The following CTNNA2 variants were observed in gnomAD, a reference collection of about 807,000 sequenced individuals.
CTNNA2 encodes catenin alpha-2.
Under a neutral mutation model 101.0 loss-of-function variants are expected in CTNNA2, and 42 were observed. That is an observed-to-expected ratio of 0.42 (90% CI 0.32 to 0.54). The LOEUF is 0.54. Among genes scored for constraint, CTNNA2 ranks in the 20% least tolerant of loss-of-function variants. The pLI, the probability that CTNNA2 is intolerant of heterozygous loss-of-function variation, is 0.14. For missense variants in CTNNA2, 871 were observed against 1,223.1 expected (o/e 0.71, Z 4.29); for synonymous variants, 450 against 456.4 (o/e 0.99, Z 0.18).
At chr2:79,877,142 A>G (rs1307206418) in intron 6 of CTNNA2, among the ~76,000 whole-genome samples, 3 of 152,138 alleles carry the variant, frequency 2.0e-5, no homozygotes, top group South Asian at 2.1e-4. Flanking sequence ...TATTAAATGT[A>G]TACTGTTTCT....
intron 3 of CTNNA2, among the ~76,000 whole-genome samples, chr2:79,789,821 A>T (rs6752029): frequency 0.18 from 26,655 of 151,898 alleles, 4,082 homozygotes; most frequent in African/African-American, 0.4. Flanking sequence ...GGAAGATGGC[A>T]TATTAATATT....
At chr2:79,265,977 G>T (rs1340858088) in intron 2 of CTNNA2, among the ~76,000 whole-genome samples, 1 of 152,094 alleles carries the variant, frequency 6.6e-6, no homozygotes, top group Non-Finnish European at 1.5e-5. Flanking sequence ...ATGGATTTTT[G>T]ATAGCCTGCA....
intron 7 of CTNNA2, among the ~76,000 whole-genome samples, chr2:80,252,009 T>C (rs1391198076): frequency 6.6e-6 from 1 of 152,238 alleles, no homozygotes; most frequent in African/African-American, 2.4e-5. Context: ...TTGCAAATTG[T>C]TAAATTTTGT....
At chr2:79,434,149 T>A (rs948360337) in intron 4 of CTNNA2, among the ~76,000 whole-genome samples, 2 of 151,038 alleles carry the variant, frequency 1.3e-5, no homozygotes, top group African/African-American at 4.9e-5. Context: ...AAAAAAAAAA[T>A]TATTCCTGCA....
chr2:79,376,439 CCTTG>C (rs1677975729), intron 4 of CTNNA2, among the ~76,000 whole-genome samples: 1 of 127,316 alleles, frequency 7.9e-6, no homozygotes, highest in African/African-American at 2.9e-5. Context: ...CAAAATAGCC[CCTTG>C]TTGGTTGGTT....
chr2:80,272,001 G>A (rs1673530365), intron 7 of CTNNA2, among the ~76,000 whole-genome samples: 1 of 152,156 alleles, frequency 6.6e-6, no homozygotes, highest in Admixed American at 6.5e-5. Flanking sequence ...GATTCCACTG[G>A]AATATGAATC....
chr2:80,325,547 T>A (rs1679163470), intron 7 of CTNNA2, among the ~76,000 whole-genome samples: 1 of 152,200 alleles, frequency 6.6e-6, no homozygotes, highest in Non-Finnish European at 1.5e-5. Context: ...AACTTTGTTA[T>A]GTCACTCACC....
At chr2:79,196,441 T>C (rs919000925) in intron 1 of CTNNA2, among the ~76,000 whole-genome samples, 3 of 152,202 alleles carry the variant, frequency 2.0e-5, no homozygotes, top group Admixed American at 1.3e-4. Flanking sequence ...TCAGTGTTGT[T>C]TTAACTTCTC....
At position 80,593,836 on chromosome 2, in the gene CTNNA2, A is replaced by T. The variant is rs181032679; in HGVS notation, c.2189+4351A>T. On this transcript the variant is annotated intron_variant, in intron 15 of 18. Coordinates refer to ENST00000402739, the MANE Select transcript of CTNNA2 (RefSeq NM_001282597.3). The stretch of plus-strand genomic sequence containing the variant: ...CCTTTTAAAGGTTTAATAATGTTCC[A>T]TTGAATGCATGTACCACCCACATTT... Among the ~76,000 whole-genome samples the T allele has an allele frequency of 2.0e-5, 3 of 152,294 alleles. No homozygotes were observed. In the South Asian group the frequency reaches 6.2e-4, roughly 32 times the overall value.
intron 2 of CTNNA2, among the ~76,000 whole-genome samples, chr2:79,231,669 A>C (rs146550355): frequency 2.7e-3 from 405 of 152,242 alleles, no homozygotes; most frequent in African/African-American, 9.4e-3. Context: ...TAATAACTCT[A>C]TTAATACTTC....
At chr2:80,358,596 A>G (rs1423232202) in intron 7 of CTNNA2, among the ~76,000 whole-genome samples, 4 of 151,458 alleles carry the variant, frequency 2.6e-5, no homozygotes, top group Admixed American at 2.6e-4. Context: ...CAGGTTATCT[A>G]CCCGCCTGAG....
At chr2:79,623,523 G>A (rs945538892) in intron 1 of CTNNA2, among the ~76,000 whole-genome samples, 2 of 152,108 alleles carry the variant, frequency 1.3e-5, no homozygotes, top group South Asian at 2.1e-4. Flanking sequence ...AATGACATGA[G>A]CCTGCAATTT....
At chr2:80,138,439 T>C (rs1702816682) in intron 7 of CTNNA2, among the ~76,000 whole-genome samples, 3 of 152,160 alleles carry the variant, frequency 2.0e-5, no homozygotes, top group Admixed American at 1.3e-4. Flanking sequence ...CAAATTGTTA[T>C]GATGATTACA....
At chr2:79,361,444 A>G (rs1363540121) in intron 3 of CTNNA2, among the ~76,000 whole-genome samples, 1 of 152,148 alleles carries the variant, frequency 6.6e-6, no homozygotes, top group East Asian at 1.9e-4. Context: ...GGGTTCTTTG[A>G]TCTCTTTCGT....
At chr2:79,423,287 A>C (rs1317779767) in intron 4 of CTNNA2, among the ~76,000 whole-genome samples, 1 of 152,194 alleles carries the variant, frequency 6.6e-6, no homozygotes, top group African/African-American at 2.4e-5. Context: ...CCAAAGTTGC[A>C]GACATGTAAG....
intron 7 of CTNNA2, among the ~76,000 whole-genome samples, chr2:80,358,916 C>T (rs1256395165): frequency 1.3e-5 from 2 of 151,846 alleles, no homozygotes; most frequent in Non-Finnish European, 2.9e-5. Context: ...ATAACATTTT[C>T]AAATATTACT....
chr2:80,645,479 T>A (rs11677818), intron 18 of CTNNA2, among the ~76,000 whole-genome samples: 1 of 152,130 alleles, frequency 6.6e-6, no homozygotes, highest in African/African-American at 2.4e-5. Flanking sequence ...ATCAAGACAG[T>A]CTTTAGGTTT....
intron 7 of CTNNA2, among the ~76,000 whole-genome samples, chr2:80,179,054 A>T (rs111604535): frequency 0.01 from 1,527 of 152,340 alleles, 32 homozygotes; most frequent in African/African-American, 0.034. Flanking sequence ...CAGAGAGTTG[A>T]TGTACCCCTG....
chr2:79,313,152 G>A (rs547987321), intron 3 of CTNNA2, among the ~76,000 whole-genome samples: 129 of 152,184 alleles, frequency 8.5e-4, no homozygotes, highest in Middle Eastern at 3.4e-3. Context: ...CTTGGCTCCC[G>A]TTTGCATTTT....
Sources: gnomAD v4.1 joint callset for allele counts (sites outside exome capture counted in the v4.1 genomes callset) on GRCh38, gnomAD v4.1.1 for gene constraint, MANE v1.5 for transcripts, NCBI Gene and HGNC (gene_info 2026-07-23, HGNC 2026-07-21) for gene names.